Variants in LIMK2 observed in about 807,000 individuals in gnomAD.
LIMK2 encodes the protein LIM domain kinase 2.
Under a neutral mutation model 75.7 loss-of-function variants are expected in LIMK2, and 35 were observed. The observed-to-expected ratio is 0.46, with a 90% CI of 0.35 to 0.61. The LOEUF (loss-of-function observed/expected upper bound fraction) is 0.61, where lower values mean the gene tolerates loss of function less well. LIMK2 is among the 20% of genes least tolerant of loss of function. The pLI, the probability that LIMK2 is intolerant of heterozygous loss-of-function variation, is 0.00. For synonymous variants in LIMK2, 301 were observed against 319.2 expected (o/e 0.94, Z 0.61); for missense variants, 623 against 831.0 (o/e 0.75, Z 3.08).
intron 5 of LIMK2, among the ~76,000 whole-genome samples, chr22:31,261,545 C>CAAAAAAAA: frequency 7.9e-6 from 1 of 126,402 alleles, no homozygotes; most frequent in Admixed American, 7.8e-5. Flanking sequence ...GACTCCATCT[C>CAAAAAAAA]AAAAAAAAAA....
intron 2 of LIMK2, among the ~76,000 whole-genome samples, chr22:31,247,363 T>C (rs1182176427): frequency 6.6e-6 from 1 of 152,182 alleles, no homozygotes; most frequent in African/African-American, 2.4e-5. Context: ...TACCTAGGCT[T>C]ATCAATCCCT....
At chr22:31,275,358 C>T (rs1029788464) in intron 15 of LIMK2, 50 bp downstream of exon 15, 2 of 1,599,856 alleles carry the variant, frequency 1.3e-6, no homozygotes, top group Non-Finnish European at 1.7e-6. Context: ...GGGACGTTTG[C>T]CTCTGTCTAA....
intron 15 of LIMK2, among the ~76,000 whole-genome samples, chr22:31,275,975 C>T (rs2049010200): frequency 6.6e-6 from 1 of 152,200 alleles, no homozygotes; most frequent in Admixed American, 6.5e-5. Flanking sequence ...ATGGCTCACA[C>T]CTGTAATCCC....
chr22:31,215,029 T>A (rs1422138395), intron 1 of LIMK2, among the ~76,000 whole-genome samples: 1 of 152,174 alleles, frequency 6.6e-6, no homozygotes, highest in Non-Finnish European at 1.5e-5. Context: ...ACTCCTGAGC[T>A]CAGGCAGTCC....
rs1455624401 is a variant in LIMK2, at chr22:31,279,193, C to A, written c.*752C>A. 1.3e-5 allele frequency: 2 copies of A among 152,276 alleles called. No homozygotes were observed. The highest frequency in any genetic ancestry group is 2.4e-5 in the African/African-American group (1 of 41,468). The allele number at this position is 152,276 out of a possible 1,614,324, so 9.4% of individuals were successfully genotyped here. A position where few individuals can be genotyped will look rare whatever the true frequency, so the allele number is the denominator to read the frequency against. On this transcript the variant is annotated 3_prime_UTR_variant, in exon 16 of 16. Transcript: ENST00000331728. ...CCTTTCTGTCTGAAACAAACAGTCA[C>A]AAGCAAAGGAAGAGGCTGGGGGACT...
intron 2 of LIMK2, among the ~76,000 whole-genome samples, chr22:31,244,344 A>G (rs376422663): frequency 1.3e-5 from 2 of 152,228 alleles, no homozygotes; most frequent in Non-Finnish European, 2.9e-5. Flanking sequence ...TGCTAGTCCC[A>G]GACTTAATTT....
In LIMK2 at chr22:31,278,539, A is replaced by T; in HGVS notation, c.*98A>T. The T allele has an allele frequency of 7.5e-7, 1 of 1,336,246 alleles. No individual in the cohort carries two copies. The highest frequency in any genetic ancestry group is 1.0e-6 in the Non-Finnish European group (1 of 996,696). 82.8% of individuals were successfully genotyped at this position (1,336,246 alleles called of 1,614,324 possible). ...GCAGGGCCGTCCGGGCTTCCTGTGG[A>T]TTGGCGGAATGTTTAGAAGCAGAAC... On this transcript the variant is annotated 3_prime_UTR_variant, in exon 16 of 16. Coordinates refer to ENST00000331728, the MANE Select transcript of LIMK2 (RefSeq NM_005569.4).
chr22:31,263,328 A>G (rs1455703298), intron 7 of LIMK2, among the ~76,000 whole-genome samples: 2 of 152,152 alleles, frequency 1.3e-5, no homozygotes, highest in Admixed American at 6.5e-5. Flanking sequence ...CCAGGCAGAA[A>G]TACTGATACC....
chr22:31,246,571 G>C (rs926231143), intron 2 of LIMK2, among the ~76,000 whole-genome samples: 2 of 151,760 alleles, frequency 1.3e-5, no homozygotes, highest in Admixed American at 6.6e-5. Flanking sequence ...CTGTGCTCTA[G>C]AGCCATATGT....
chr22:31,246,183 G>GCGCGCACACACACACA (rs746599250), intron 2 of LIMK2, among the ~76,000 whole-genome samples: 3 of 134,994 alleles, frequency 2.2e-5, no homozygotes, highest in Admixed American at 7.4e-5. Context: ...ACGCACGCAC[G>GCGCGCACACACACACA]CACACACACA....
At chr22:31,236,675 AG>A (rs1012561290) in intron 2 of LIMK2, among the ~76,000 whole-genome samples, 4 of 151,248 alleles carry the variant, frequency 2.6e-5, no homozygotes, top group African/African-American at 9.7e-5. Context: ...GCACTTTGGG[AG>A]GCCAAGGCAG....
intron 2 of LIMK2, among the ~76,000 whole-genome samples, chr22:31,257,908 G>A (rs2048800872): frequency 6.6e-6 from 1 of 152,164 alleles, no homozygotes; most frequent in Admixed American, 6.5e-5. Context: ...TCCTTAACTG[G>A]TGCCATAAAT....
intron 1 of LIMK2, among the ~76,000 whole-genome samples, chr22:31,220,928 C>T (rs996739310): frequency 1.3e-5 from 2 of 152,042 alleles, no homozygotes; most frequent in African/African-American, 4.8e-5. Flanking sequence ...TGTGCCATTG[C>T]ACTCCAGCCT....
chr22:31,224,927 T>C (rs1223142857), intron 1 of LIMK2, among the ~76,000 whole-genome samples: 1 of 152,076 alleles, frequency 6.6e-6, no homozygotes, highest in Non-Finnish European at 1.5e-5. Flanking sequence ...CAGCAGGAGG[T>C]GAGCGGCGGG....
At chr22:31,221,179 A>G (rs2123767796) in intron 1 of LIMK2, among the ~76,000 whole-genome samples, 1 of 152,228 alleles carries the variant, frequency 6.6e-6, no homozygotes, top group Non-Finnish European at 1.5e-5. Flanking sequence ...CTCTTTCAGT[A>G]ACTGTTTATT....
At chr22:31,249,835 G>A (rs1482758893) in intron 2 of LIMK2, among the ~76,000 whole-genome samples, 2 of 152,174 alleles carry the variant, frequency 1.3e-5, no homozygotes, top group Non-Finnish European at 2.9e-5. Context: ...CTGGACAGGG[G>A]GAAGGGGGAA....
intron 2 of LIMK2, among the ~76,000 whole-genome samples, chr22:31,236,531 C>T (rs2088370619): frequency 6.7e-6 from 1 of 149,806 alleles, no homozygotes; most frequent in Admixed American, 6.7e-5. Context: ...ATTGCTTGAG[C>T]CCAGGAGGTT....
At chr22:31,258,778 G>C (rs934846800) in intron 3 of LIMK2, 10 of 386,276 alleles carry the variant, frequency 2.6e-5, no homozygotes, top group African/African-American at 6.0e-5. Context: ...TAGGCTGGCA[G>C]AGAGAGGGGC....
chr22:31,271,732 G>A (rs918240493), intron 12 of LIMK2, among the ~76,000 whole-genome samples: 3 of 152,192 alleles, frequency 2.0e-5, no homozygotes, highest in Middle Eastern at 3.4e-3. Flanking sequence ...CCCACACCAC[G>A]CAATCTTCAT....
Sources: allele counts gnomAD v4.1 joint callset (sites outside exome capture counted in the v4.1 genomes callset), GRCh38; gene constraint gnomAD v4.1.1; transcripts MANE v1.5; gene names NCBI Gene and HGNC (gene_info 2026-07-23, HGNC 2026-07-21).